Variants in BACH1 observed in about 807,000 individuals in gnomAD.
BACH1 encodes the protein BTB domain and CNC homolog 1.
Under a neutral mutation model 52.9 loss-of-function variants are expected in BACH1, and 35 were observed. The ratio of observed to expected loss-of-function variants is 0.66; its 90% CI spans 0.51 to 0.88. The LOEUF is 0.88. BACH1 is among the 40% of genes least tolerant of loss of function. The pLI, the probability that BACH1 is intolerant of heterozygous loss-of-function variation, is 0.00. For missense variants in BACH1, 808 were observed against 872.6 expected (o/e 0.93, Z 0.93); for synonymous variants, 321 against 319.6 (o/e 1.00, Z -0.05).
intron 1 of BACH1, among the ~76,000 whole-genome samples, chr21:29,304,218 T>C (rs1030003861): frequency 1.3e-5 from 2 of 151,782 alleles, no homozygotes; most frequent in Non-Finnish European, 2.9e-5. Context: ...CTCCGCCTCT[T>C]GGGTTCAAGC....
At chr21:29,321,645 CTT>C (rs377229311) in intron 2 of BACH1, 131 bp downstream of exon 2, 7,901 of 491,084 alleles carry the variant, frequency 0.016, 13 homozygotes, top group East Asian at 0.052. Flanking sequence ...TGTGCAACCC[CTT>C]TTTTTTTTTT....
chr21:29,309,022 G>A (rs2088690126), intron 1 of BACH1, among the ~76,000 whole-genome samples: 1 of 152,018 alleles, frequency 6.6e-6, no homozygotes, highest in Non-Finnish European at 1.5e-5. Flanking sequence ...CTATGGGAGG[G>A]CGAGGCAGGC....
chr21:29,321,387 T>A lies in BACH1; in HGVS notation c.107T>A (p.Val36Asp). Residue 36 changes from valine to aspartate, a missense_variant, in exon 2 of 5, where the codon GTC becomes GAC. Val to Asp is a radical substitution (Grantham distance 152). Coordinates refer to ENST00000286800, the MANE Select transcript of BACH1 (RefSeq NM_001186.4). ...DQRKKDVLCD[V>D]TIFVEGQRFR... ...CGGAAGAAAGATGTGCTGTGCGATG[T>A]CACCATCTTTGTGGAGGGACAGCGG... The A allele has an allele frequency of 6.2e-7, 1 of 1,614,244 alleles. No individual in the cohort carries two copies.
At chr21:29,334,660 G>A (rs187330713) in intron 4 of BACH1, among the ~76,000 whole-genome samples, 9 of 152,120 alleles carry the variant, frequency 5.9e-5, no homozygotes, top group Non-Finnish European at 8.8e-5. Context: ...TATTGTTTTC[G>A]ATATCAACTT....
At chr21:29,313,418 G>A (rs1472455196) in intron 1 of BACH1, among the ~76,000 whole-genome samples, 1 of 152,216 alleles carries the variant, frequency 6.6e-6, no homozygotes, top group South Asian at 2.1e-4. Flanking sequence ...CCTATAATAT[G>A]ACCCAGCTCT....
At chr21:29,309,366 A>C (rs1387268521) in intron 1 of BACH1, among the ~76,000 whole-genome samples, 1 of 152,036 alleles carries the variant, frequency 6.6e-6, no homozygotes, top group East Asian at 1.9e-4. Context: ...CCTTCTCATC[A>C]CACACAGGAT....
At chr21:29,309,412 C>T (rs1422029270) in intron 1 of BACH1, among the ~76,000 whole-genome samples, 1 of 152,186 alleles carries the variant, frequency 6.6e-6, no homozygotes, top group Non-Finnish European at 1.5e-5. Context: ...GTTCTTCCAT[C>T]CCTCCTCAGT....
chr21:29,353,522 C>A (rs2089215622), intron 2 of BACH1, among the ~76,000 whole-genome samples: 1 of 152,194 alleles, frequency 6.6e-6, no homozygotes, highest in South Asian at 2.1e-4. Flanking sequence ...TCACCTCCAT[C>A]TCCTTTGCAG....
chr21:29,321,633 T>A, intron 2 of BACH1, 119 bp downstream of exon 2: 1 of 827,830 alleles, frequency 1.2e-6, no homozygotes, highest in Non-Finnish European at 1.8e-6. Context: ...TTTCCCAGGT[T>A]CTGTGCAACC....
chr21:29,333,619 T>TTAA (rs2089009708), intron 4 of BACH1, among the ~76,000 whole-genome samples: 1 of 152,200 alleles, frequency 6.6e-6, no homozygotes. Flanking sequence ...GTTAGTTTGG[T>TTAA]CTTAGGCTAT....
chr21:29,343,559 T>C lies in BACH1; in HGVS notation c.*726T>C, dbSNP rs1036229776. ...CCTCCCTGCCCCCCGCTTCAGTCTCTACCATATCTGGTCCCATCATGGACT... is the reference window on the plus strand; with the variant it reads ...CCTCCCTGCCCCCCGCTTCAGTCTCCACCATATCTGGTCCCATCATGGACT... On this transcript the variant is annotated 3_prime_UTR_variant, in exon 5 of 5. Coordinates refer to ENST00000286800, the MANE Select transcript of BACH1 (RefSeq NM_001186.4). The C allele has an allele frequency of 6.6e-6, 1 of 152,364 alleles. No homozygotes were observed. The highest frequency in any genetic ancestry group is 1.5e-5 in the Non-Finnish European group (1 of 68,148). The allele number at this position is 152,364 out of a possible 1,614,324, so 9.4% of individuals were successfully genotyped here.
intron 4 of BACH1, among the ~76,000 whole-genome samples, chr21:29,335,245 C>G (rs2089030982): frequency 6.6e-6 from 1 of 152,150 alleles, no homozygotes; most frequent in Non-Finnish European, 1.5e-5. Flanking sequence ...TCCCCCGTTA[C>G]TAATGTGGGA....
chr21:29,316,093 C>T (rs1393460418), intron 1 of BACH1, among the ~76,000 whole-genome samples: 1 of 152,092 alleles, frequency 6.6e-6, no homozygotes, highest in Non-Finnish European at 1.5e-5. Context: ...CTCTTTTTCA[C>T]ACATGGAACT....
intron 1 of BACH1, among the ~76,000 whole-genome samples, chr21:29,304,992 A>T (rs528521940): frequency 6.6e-6 from 1 of 152,298 alleles, no homozygotes; most frequent in South Asian, 2.1e-4. Context: ...ATATTATTTT[A>T]AAAAATGTAC....
rs117408314 is a variant in BACH1 at position 29,330,084 on chromosome 21, A to C, written c.1776+391A>C. Among the ~76,000 whole-genome samples the C allele has an allele frequency of 3.2e-3, 495 of 152,336 alleles. 2 individuals carry two copies. The East Asian group carries it at 0.049, about 15-fold the overall frequency. On this transcript the variant is annotated intron_variant, in intron 4 of 4. Coordinates refer to ENST00000286800, the MANE Select transcript of BACH1 (RefSeq NM_001186.4). ...CAGGATCTTTCATCTAAGGAAAAAA[A>C]TTCTGATAGATATGGTGATATGAAT...
intron 1 of BACH1, among the ~76,000 whole-genome samples, chr21:29,300,373 C>A (rs538415757): frequency 7.0e-4 from 106 of 152,318 alleles, no homozygotes; most frequent in Admixed American, 9.2e-4. Flanking sequence ...CAAATACTCT[C>A]ATCACATGCC....
intron 1 of BACH1, among the ~76,000 whole-genome samples, chr21:29,319,871 T>A (rs940407013): frequency 5.3e-5 from 8 of 151,758 alleles, no homozygotes; most frequent in African/African-American, 1.7e-4. Context: ...GATATATAAC[T>A]TCTTTGATTG....
chr21:29,335,252 G>A (rs1288359174), intron 4 of BACH1, among the ~76,000 whole-genome samples: 4 of 152,160 alleles, frequency 2.6e-5, no homozygotes, highest in African/African-American at 9.7e-5. Context: ...TTACTAATGT[G>A]GGATAAGAGT....
intron 2 of BACH1, among the ~76,000 whole-genome samples, chr21:29,355,896 T>G (rs1408644775): frequency 6.6e-6 from 1 of 152,196 alleles, no homozygotes; most frequent in South Asian, 2.1e-4. Flanking sequence ...CATCTCTTAC[T>G]ATCCCTGACT....
Sources: allele counts gnomAD v4.1 joint callset (sites outside exome capture counted in the v4.1 genomes callset), GRCh38; gene constraint gnomAD v4.1.1; transcripts MANE v1.5; gene names NCBI Gene and HGNC (gene_info 2026-07-23, HGNC 2026-07-21).